Variants in FBXO34 observed in about 807,000 individuals in gnomAD.
The protein encoded by FBXO34 is F-box only protein 34.
FBXO34 carries 12 observed loss-of-function variants against 24.5 expected under a neutral mutation model. The observed-to-expected ratio is 0.49, with a 90% confidence interval of 0.31 to 0.79. FBXO34 has a LOEUF of 0.79. Ranked by LOEUF, FBXO34 falls within the 30% of genes least tolerant of loss-of-function variation. FBXO34 has a pLI of 0.04. For synonymous variants in FBXO34, 320 were observed against 311.9 expected (o/e 1.03, Z -0.27); for missense variants, 823 against 857.7 (o/e 0.96, Z 0.51).
intron 1 of FBXO34, among the ~76,000 whole-genome samples, chr14:55,332,408 G>A (rs906851589): frequency 6.6e-6 from 1 of 152,162 alleles, no homozygotes; most frequent in East Asian, 1.9e-4. Context: ...TAAAAGGTCT[G>A]CCTAAGTGTG....
chr14:55,290,763 CTT>C (rs1370762266), intron 1 of FBXO34, among the ~76,000 whole-genome samples: 1 of 152,162 alleles, frequency 6.6e-6, no homozygotes, highest in Non-Finnish European at 1.5e-5. Flanking sequence ...GAAATGCAGT[CTT>C]TATTATCTTT....
rs1255540804 is a variant in FBXO34, at chr14:55,351,778, T to C, written c.1388T>C (p.Val463Ala). The C allele has an allele frequency of 3.7e-6, 6 of 1,614,192 alleles. No individual in the cohort carries two copies. Among genetic ancestry groups the C allele is most frequent in the African/African-American group, 1.3e-5 (1 of 75,034 alleles). ...TGCATTAGTATCACTGTGTCCAAGG[T>C]AGACAAAGACCAGCCTTCCATTTTA... ...SLCISITVSK[V>A]DKDQPSILNS... The change falls in exon 2 of 2, where the codon GTA (valine) becomes GCA (alanine). Residue 463 changes from valine to alanine, a missense_variant. Transcript: ENST00000313833.
the FBXO34 span, among the ~76,000 whole-genome samples, chr14:55,442,989 C>A: frequency 6.6e-6 from 1 of 152,190 alleles, no homozygotes; most frequent in Non-Finnish European, 1.5e-5. Context: ...CTGCTGACAC[C>A]TTGATCTTGG....
chr14:55,292,240 T>A, intron 1 of FBXO34, among the ~76,000 whole-genome samples: 1 of 152,268 alleles, frequency 6.6e-6, no homozygotes, highest in East Asian at 1.9e-4. Context: ...TGTAATTTTT[T>A]AAATAGAATG....
chr14:55,390,981 T>C, the FBXO34 span: 11 of 1,605,706 alleles, frequency 6.9e-6, no homozygotes, highest in Non-Finnish European at 9.4e-6. Flanking sequence ...TGCAGGACAT[T>C]ATTTTCCATC....
Position 55,351,104 on chromosome 14 carries a change from T to G in FBXO34, c.714T>G (p.Phe238Leu). 1 of 1,614,226 alleles carries G rather than the reference T, an allele frequency of 6.2e-7. No individual in the cohort carries two copies. The highest frequency in any genetic ancestry group is 8.5e-7 in the Non-Finnish European group (1 of 1,180,040). Residue 238 changes from phenylalanine (F) to leucine (L), a missense_variant, in exon 2 of 2, where the codon TTT becomes TTG. Around this residue, in one of 2 missense-constraint regions of FBXO34, gnomAD observed 693 missense variants for 659.1 expected, o/e 1.05. Coordinates refer to ENST00000313833, the MANE Select transcript of FBXO34 (RefSeq NM_017943.4). Reference protein sequence around the residue: ...NCTNSPAIVRFSGQSRGVPAV... With the variant: ...NCTNSPAIVRLSGQSRGVPAV... ...CAAACTCACCTGCAATTGTGAGGTT[T>G]TCTGGCCAATCCAGAGGTGTGCCTG...
chr14:55,433,103 CTG>C, the FBXO34 span, among the ~76,000 whole-genome samples: 1 of 151,982 alleles, frequency 6.6e-6, no homozygotes, highest in Non-Finnish European at 1.5e-5. Context: ...ATAGGGGAAA[CTG>C]TAAAATGGGG....
the FBXO34 span, among the ~76,000 whole-genome samples, chr14:55,405,617 C>A: frequency 9.8e-5 from 15 of 152,306 alleles, no homozygotes; most frequent in South Asian, 3.1e-3. Flanking sequence ...CAATTTCTTT[C>A]CTGTTGTGAG....
rs1342972634 is a variant in FBXO34 at position 55,337,813 on chromosome 14, A to T, written c.-10-12568A>T. ...CAGTTCTGCCTCCTTTCACAGTCAC[A>T]CATCTTATACTCCACTTACCACTTG... On this transcript the variant is annotated intron_variant, in intron 1 of 1. Coordinates refer to ENST00000313833, the MANE Select transcript of FBXO34 (RefSeq NM_017943.4). Among the ~76,000 whole-genome samples the T allele has an allele frequency of 3.3e-5, 5 of 152,170 alleles. No homozygotes were observed. In the East Asian group the frequency reaches 9.6e-4, roughly 29 times the overall value.
the FBXO34 span, among the ~76,000 whole-genome samples, chr14:55,384,037 T>C: frequency 0.058 from 8,865 of 152,302 alleles, 326 homozygotes; most frequent in South Asian, 0.09. Context: ...TAGCTGCTAC[T>C]GCCTGCCACA....
intron 1 of FBXO34, among the ~76,000 whole-genome samples, chr14:55,274,725 G>A (rs1020040052): frequency 6.6e-6 from 1 of 152,084 alleles, no homozygotes; most frequent in African/African-American, 2.4e-5. Context: ...CTTAATTTAT[G>A]TTCAGCTAGC....
the FBXO34 span, among the ~76,000 whole-genome samples, chr14:55,384,835 G>A: frequency 7.2e-5 from 11 of 152,188 alleles, no homozygotes; most frequent in Non-Finnish European, 8.8e-5. Context: ...GGAAGCCTTC[G>A]GTAGTAGTTT....
chr14:55,335,498 T>G (rs1460996337), intron 1 of FBXO34: 4 of 152,232 alleles, frequency 2.6e-5, no homozygotes, highest in Non-Finnish European at 1.5e-5. Flanking sequence ...CCACTGGGAT[T>G]AGAGGGTGTA....
intron 1 of FBXO34, among the ~76,000 whole-genome samples, chr14:55,305,843 G>A (rs952425503): frequency 1.3e-5 from 2 of 152,164 alleles, no homozygotes; most frequent in African/African-American, 4.8e-5. Context: ...CTGTATCTGT[G>A]TATAAGGGTA....
At chr14:55,369,700 C>T (rs762239984), downstream of FBXO34, 11 of 1,606,094 alleles carry the variant, frequency 6.8e-6, no homozygotes, top group African/African-American at 2.7e-5. Context: ...CACTGCTGCT[C>T]GCGATGGGTG....
At chr14:55,436,435 TAAAAC>T in the FBXO34 span, 2 of 912,304 alleles carry the variant, frequency 2.2e-6, no homozygotes, top group Non-Finnish European at 1.6e-6. Context: ...TTAGAACTGA[TAAAAC>T]AAAGAATTAT....
chr14:55,299,921 A>G (rs955865697), intron 1 of FBXO34, among the ~76,000 whole-genome samples: 1 of 152,204 alleles, frequency 6.6e-6, no homozygotes, highest in Non-Finnish European at 1.5e-5. Context: ...AATCATGCCC[A>G]AGTTTGGTTG....
At chr14:55,327,240 G>A (rs918283237) in intron 1 of FBXO34, among the ~76,000 whole-genome samples, 25 of 152,306 alleles carry the variant, frequency 1.6e-4, no homozygotes, top group Middle Eastern at 3.4e-3. Flanking sequence ...TGCTTTGTGT[G>A]TTCCAGAAGC....
At chr14:55,318,601 G>T (rs1023233868) in intron 1 of FBXO34, among the ~76,000 whole-genome samples, 7 of 150,756 alleles carry the variant, frequency 4.6e-5, no homozygotes, top group Non-Finnish European at 8.9e-5. Flanking sequence ...CTGGCCTCAA[G>T]TGATCCTCTT....
Sources: gnomAD v4.1 joint callset for allele counts (sites outside exome capture counted in the v4.1 genomes callset) on GRCh38, gnomAD v4.1.1 for gene constraint, gnomAD v4.1.1 regional missense constraint, MANE v1.5 for transcripts, NCBI Gene and HGNC (gene_info 2026-07-23, HGNC 2026-07-21) for gene names.